FAM186B: variants seen among roughly 807,000 people sequenced by gnomAD.
FAM186B encodes the protein family with sequence similarity 186 member B.
FAM186B carries 68 observed loss-of-function variants against 83.4 expected under a neutral mutation model. The ratio of observed to expected loss-of-function variants is 0.81; its 90% CI spans 0.67 to 1.00. The LOEUF is 1.00. Ranked by LOEUF, FAM186B falls within the 50% of genes least tolerant of loss-of-function variation. The pLI is 0.00. For synonymous variants in FAM186B, 389 were observed against 422.0 expected, an observed-to-expected ratio of 0.92 and a Z score of 0.96; for missense variants, 983 against 1,099.2, an observed-to-expected ratio of 0.89 and a Z score of 1.49.
At chr12:49,603,092 T>C in intron 3 of FAM186B, 93 bp downstream of exon 3, 6 of 1,374,654 alleles carry the variant, frequency 4.4e-6, no homozygotes, top group Non-Finnish European at 6.2e-6. Context: ...TGGAGGAGAA[T>C]CAGAAAGACC....
In FAM186B at chr12:49,605,427, G is replaced by A. The variant is rs1939995831; in HGVS notation, c.51C>T (p.Ala17=). 2 of 1,613,762 alleles carry A rather than the reference G, an allele frequency of 1.2e-6. No individual in the cohort carries two copies. Among genetic ancestry groups the A allele is most frequent in the Non-Finnish European group, 1.7e-6 (2 of 1,179,954 alleles). ...GGGCAGCCTCAATCCTCAGGATGAT[G>A]GCTTTCACTGATGTGGGAGTCACCA... ...PQLVTPTSVK[A]IILRIEAAQL... The change falls in exon 1 of 7, where the codon GCC becomes GCT. Residue 17 remains alanine, a synonymous_variant. Transcript: ENST00000257894.
At chr12:49,598,731 G>GT (rs1231447019) in intron 5 of FAM186B, 24 bp downstream of exon 5, 9 of 1,538,878 alleles carry the variant, frequency 5.8e-6, no homozygotes, top group Middle Eastern at 2.3e-4. Flanking sequence ...CGGAGTGGCG[G>GT]GGGGGTCAGG....
intron 5 of FAM186B, chr12:49,595,170 T>G: frequency 2.2e-6 from 1 of 463,842 alleles, no homozygotes; most frequent in Admixed American, 2.7e-5. Flanking sequence ...GCAGAGGAAA[T>G]GGAGACGGTC....
chr12:49,603,094 A>T, intron 3 of FAM186B, 91 bp downstream of exon 3: 1 of 1,396,074 alleles, frequency 7.2e-7, no homozygotes, highest in Non-Finnish European at 1.0e-6. Flanking sequence ...GAGGAGAATC[A>T]GAAAGACCCC....
At chr12:49,604,661 G>T in intron 1 of FAM186B, 123 bp from the exon 2 acceptor site, 2 of 696,484 alleles carry the variant, frequency 2.9e-6, no homozygotes, top group Non-Finnish European at 4.9e-6. Context: ...TATATTTAAA[G>T]TGGGAATCAT....
At chr12:49,594,985 T>C (rs1439575459) in intron 5 of FAM186B, among the ~76,000 whole-genome samples, 4 of 152,110 alleles carry the variant, frequency 2.6e-5, no homozygotes, top group Admixed American at 1.3e-4. Context: ...CCCAATAATA[T>C]GCTTTGCCAA....
intron 5 of FAM186B, chr12:49,595,153 TA>T: frequency 2.4e-6 from 1 of 422,260 alleles, no homozygotes; most frequent in Non-Finnish European, 4.6e-6. Context: ...AGTTTTTGGC[TA>T]AAGGAGCAGA....
chr12:49,601,644 G>A (rs553278089), intron 3 of FAM186B, among the ~76,000 whole-genome samples: 4 of 150,368 alleles, frequency 2.7e-5, no homozygotes, highest in Admixed American at 2.0e-4. Flanking sequence ...AATAACTAAT[G>A]TCTTTTTCCA....
chr12:49,602,902 C>T (rs1420717731), intron 3 of FAM186B, among the ~76,000 whole-genome samples: 1 of 152,170 alleles, frequency 6.6e-6, no homozygotes, highest in Non-Finnish European at 1.5e-5. Flanking sequence ...CTCCTGGCCT[C>T]CCAGCTTTGT....
At chr12:49,612,355 T>C in the FAM186B span, among the ~76,000 whole-genome samples, 2 of 148,504 alleles carry the variant, frequency 1.3e-5, no homozygotes, top group Non-Finnish European at 3.0e-5. Context: ...AAACAGACTT[T>C]AATCCAACAA....
chr12:49,606,526 CAA>C (rs1491116676), upstream of FAM186B, among the ~76,000 whole-genome samples: 3 of 150,302 alleles, frequency 2.0e-5, no homozygotes, highest in South Asian at 2.1e-4. Context: ...CACACACACA[CAA>C]ACATACAGAG....
At chr12:49,611,927 C>G in the FAM186B span, among the ~76,000 whole-genome samples, 1 of 151,824 alleles carries the variant, frequency 6.6e-6, no homozygotes, top group East Asian at 1.9e-4. Flanking sequence ...CTTTTCCAGA[C>G]AAGCGTGCTA....
chr12:49,601,024 T>C lies in FAM186B; in HGVS notation c.616A>G (p.Asn206Asp), dbSNP rs1224183581. The change falls in exon 4 of 7, where the codon AAC (asparagine) becomes GAC (aspartate). Residue 206 changes from asparagine to aspartate, a missense_variant. Physicochemically the swap from Asn to Asp is conservative, Grantham distance 23 (BLOSUM62 1). Transcript: ENST00000257894. ...GACGTCACCTCCGAGGCCTTCGTGT[T>C]CATGGTATGCTGGTCCTGGAGCATC... is the stretch of plus-strand genomic sequence containing the variant. ...EQMLQDQHTM[N>D]TKASEVTSML... 5.0e-6 allele frequency: 8 copies of C among 1,614,186 alleles called. No individual in the cohort carries two copies. The highest frequency in any genetic ancestry group is 6.8e-6 in the Non-Finnish European group (8 of 1,180,032).
chr12:49,594,593 G>A (rs536705551), intron 5 of FAM186B, among the ~76,000 whole-genome samples: 44 of 152,322 alleles, frequency 2.9e-4, no homozygotes, highest in Middle Eastern at 6.8e-3. Context: ...ATCTTACACA[G>A]GCCGGGTGTG....
At chr12:49,585,921 A>G (rs1388022996), downstream of FAM186B, among the ~76,000 whole-genome samples, 1 of 152,234 alleles carries the variant, frequency 6.6e-6, no homozygotes, top group Non-Finnish European at 1.5e-5. Flanking sequence ...GCAGGGACAG[A>G]GAACTTTTGT....
rs748284721 is a variant in FAM186B, at chr12:49,600,232, G to A, written c.1408C>T (p.Gln470Ter). ...SKQLSLESSR[Q>*]VTSESQEEPW... ...TCCTCTTGGCTCTCAGAGGTCACCT[G>A]CCTGGAGCTCTCTAGAGACAGCTGC... Residue 470 changes from glutamine (Q) to a stop codon, truncating the protein, a stop_gained, in exon 4 of 7, where the codon CAG (glutamine) becomes TAG (stop). Coordinates refer to ENST00000257894, the MANE Select transcript of FAM186B (RefSeq NM_032130.3). LOFTEE classifies it high-confidence loss of function. The surrounding 1 kb of genome is among the most constrained non-coding windows in gnomAD (Gnocchi z 4.3). 2 of 1,613,318 alleles carry A rather than the reference G, an allele frequency of 1.2e-6. No homozygotes were observed. The highest frequency in any genetic ancestry group is 1.7e-5 in the Admixed American group (1 of 59,960).
At chr12:49,585,254 G>A (rs1377618879), downstream of FAM186B, among the ~76,000 whole-genome samples, 1 of 152,102 alleles carries the variant, frequency 6.6e-6, no homozygotes, top group Non-Finnish European at 1.5e-5. Flanking sequence ...TCCTGACCTC[G>A]TGATCTGCCC....
At chr12:49,614,234 G>T in the FAM186B span, among the ~76,000 whole-genome samples, 8 of 151,412 alleles carry the variant, frequency 5.3e-5, no homozygotes, top group African/African-American at 1.7e-4. Context: ...ACACCCAAAA[G>T]AAAATAAATT....
At chr12:49,587,029 G>T (rs1053486424), downstream of FAM186B, among the ~76,000 whole-genome samples, 8 of 152,174 alleles carry the variant, frequency 5.3e-5, no homozygotes, top group Non-Finnish European at 1.0e-4. Flanking sequence ...TGTAGAGAGG[G>T]TCCTTAAAAG....
Sources: gnomAD v4.1 joint callset for allele counts (sites outside exome capture counted in the v4.1 genomes callset) on GRCh38, gnomAD v4.1.1 for gene constraint, Gnocchi (gnomAD v3.1) non-coding constraint, MANE v1.5 for transcripts, NCBI Gene and HGNC (gene_info 2026-07-23, HGNC 2026-07-21) for gene names.